UPRT: variants seen among roughly 807,000 people sequenced by gnomAD.
UPRT encodes the protein RP11-311P8.3.
In UPRT, 5 loss-of-function variants were observed where a neutral mutation model predicts 22.6. The ratio of observed to expected loss-of-function variants is 0.22; its 90% CI spans 0.12 to 0.47. The LOEUF is 0.47. UPRT is among the 20% of genes least tolerant of loss of function. UPRT has a pLI of 0.99. For synonymous variants in UPRT, 77 were observed against 87.7 expected, an observed-to-expected ratio of 0.88 and a Z score of 0.68; for missense variants, 181 against 239.9, an observed-to-expected ratio of 0.75 and a Z score of 1.62.
intron 4 of UPRT, among the ~76,000 whole-genome samples, chrX:75,268,071 G>T (rs1463917274): frequency 1.8e-5 from 2 of 110,944 alleles, no homozygotes; most frequent in African/African-American, 6.5e-5. Flanking sequence ...AATGATAAAG[G>T]GTATATCACA....
At chrX:75,234,427 C>T (rs914830568) in intron 4 of UPRT, among the ~76,000 whole-genome samples, 1 of 111,218 alleles carries the variant, frequency 9.0e-6, no homozygotes, top group African/African-American at 3.3e-5. Context: ...AGCTCTGTAC[C>T]AAGCAGACCT....
chrX:75,212,450 G>A (rs2082382574), intron 4 of UPRT, among the ~76,000 whole-genome samples: 1 of 111,834 alleles, frequency 8.9e-6, no homozygotes, highest in African/African-American at 3.3e-5. Context: ...ATGAAATAAA[G>A]GCAGAAATCA....
At chrX:75,272,332 A>ATATATATG (rs1569279468), upstream of UPRT, among the ~76,000 whole-genome samples, 5 of 91,459 alleles carry the variant, frequency 5.5e-5, no homozygotes, top group South Asian at 2.6e-3. Flanking sequence ...ATATATATGT[A>ATATATATG]TATATATATA....
chrX:75,205,172 C>T (rs1021098889), intron 4 of UPRT, among the ~76,000 whole-genome samples: 5 of 108,297 alleles, frequency 4.6e-5, no homozygotes, highest in African/African-American at 1.7e-4. Flanking sequence ...AGATCGAGAC[C>T]ATCCTGGCTA....
intron 1 of UPRT, among the ~76,000 whole-genome samples, chrX:75,279,021 T>A (rs1370003193): frequency 2.7e-5 from 3 of 111,359 alleles, no homozygotes; most frequent in Admixed American, 1.9e-4. Context: ...AAATACAAGT[T>A]CCTGACTCCC....
At chrX:75,297,670 C>A in intron 4 of UPRT, 117 bp downstream of exon 4, 1 of 833,690 alleles carries the variant, frequency 1.2e-6, no homozygotes, top group Non-Finnish European at 1.8e-6. Flanking sequence ...TTAAATCTCA[C>A]TACCTGTGTT....
chrX:75,246,759 T>C (rs192808998), intron 4 of UPRT, among the ~76,000 whole-genome samples: 1 of 111,432 alleles, frequency 9.0e-6, no homozygotes, highest in Admixed American at 9.5e-5. Flanking sequence ...TCCTCTCCAG[T>C]ACCTGTTGTT....
intron 1 of UPRT, among the ~76,000 whole-genome samples, chrX:75,279,367 C>T (rs988758990): frequency 8.1e-5 from 9 of 110,773 alleles, no homozygotes; most frequent in African/African-American, 2.3e-4. Flanking sequence ...GTGTGTTTCC[C>T]GTGTGAGTCC....
At chrX:75,167,759 G>GC (rs1435322761) in intron 3 of UPRT, among the ~76,000 whole-genome samples, 3 of 98,650 alleles carry the variant, frequency 3.0e-5, no homozygotes, top group Non-Finnish European at 6.3e-5. Flanking sequence ...CTTGTTTTTT[G>GC]TTTTTTTTTT....
chrX:75,247,649 G>T (rs2082511646), intron 4 of UPRT, among the ~76,000 whole-genome samples: 1 of 112,667 alleles, frequency 8.9e-6, no homozygotes, highest in Non-Finnish European at 1.9e-5. Flanking sequence ...CCACCTCTGG[G>T]GGCAGGGCAC....
chrX:75,216,317 T>C (rs993553387), intron 4 of UPRT, among the ~76,000 whole-genome samples: 1 of 112,172 alleles, frequency 8.9e-6, no homozygotes, highest in Non-Finnish European at 1.9e-5. Context: ...TCAACTCCCA[T>C]GATAACCAGT....
At chrX:75,292,607 G>A (rs2082712338) in intron 1 of UPRT, among the ~76,000 whole-genome samples, 1 of 111,495 alleles carries the variant, frequency 9.0e-6, no homozygotes, top group Admixed American at 9.6e-5. Flanking sequence ...AGGCTGTTTT[G>A]GAGAATACTT....
At chrX:75,286,247 A>AT in intron 1 of UPRT, among the ~76,000 whole-genome samples, 1 of 91,771 alleles carries the variant, frequency 1.1e-5, no homozygotes, top group Non-Finnish European at 2.0e-5. Context: ...ACAATGAATA[A>AT]TTTTTTATGT....
chrX:75,252,283 G>C (rs2082533397), intron 4 of UPRT, among the ~76,000 whole-genome samples: 1 of 111,632 alleles, frequency 9.0e-6, no homozygotes, highest in Non-Finnish European at 1.9e-5. Flanking sequence ...GTAACCTACA[G>C]AATGGGAGAA....
intron 1 of UPRT, among the ~76,000 whole-genome samples, chrX:75,289,682 C>T (rs1473521483): frequency 9.0e-6 from 1 of 111,256 alleles, no homozygotes; most frequent in African/African-American, 3.3e-5. Context: ...TAATCTTCAA[C>T]AATGCCAACA....
chrX:75,187,322 C>A (rs1283954496), intron 4 of UPRT, among the ~76,000 whole-genome samples: 1 of 111,339 alleles, frequency 9.0e-6, no homozygotes. Context: ...GTTGAAAATT[C>A]TTTTCTTTAA....
At chrX:75,156,633 C>T (rs1281375515) in intron 1 of UPRT, 1 of 362,606 alleles carries the variant, frequency 2.8e-6, no homozygotes, top group Admixed American at 3.0e-5. Flanking sequence ...TCTGTCAACC[C>T]CATCTTGTCT....
In UPRT at chrX:75,231,552, C is replaced by T. The variant is rs541423872; in HGVS notation, c.-446-59472C>T. 1.7e-4 allele frequency among the ~76,000 whole-genome samples: 19 copies of T among 111,845 alleles called. No homozygotes were observed. The South Asian group carries it at 6.0e-3, about 35-fold the overall frequency. ...AGAGAATAATCAAGAAAAATCTTCC[C>T]TGGTCTTGCTAGAGATATAGGCATC... is the stretch of plus-strand genomic sequence containing the variant. On this transcript the variant is annotated intron_variant, in intron 4 of 13. Coordinates refer to the UPRT transcript ENST00000652605.
chrX:75,239,384 A>AC (rs1048664852), intron 4 of UPRT, among the ~76,000 whole-genome samples: 6 of 110,842 alleles, frequency 5.4e-5, no homozygotes, highest in African/African-American at 2.0e-4. Flanking sequence ...GAAATATACA[A>AC]CCCCCCTAAA....
Sources: allele counts gnomAD v4.1 joint callset (sites outside exome capture counted in the v4.1 genomes callset), GRCh38; gene constraint gnomAD v4.1.1; transcripts MANE v1.5; gene names NCBI Gene and HGNC (gene_info 2026-07-23, HGNC 2026-07-21).